Variants in APBB2 observed in about 807,000 individuals in gnomAD.
APBB2 encodes amyloid beta precursor protein binding family B member 2.
In APBB2, 38 loss-of-function variants were observed where a neutral mutation model predicts 82.5. The ratio of observed to expected loss-of-function variants is 0.46; its 90% CI spans 0.36 to 0.60. The LOEUF (loss-of-function observed/expected upper bound fraction) is 0.60, where lower values mean the gene tolerates loss of function less well. Among genes scored for constraint, APBB2 ranks in the 20% least tolerant of loss-of-function variants. The pLI is 0.00. For synonymous variants in APBB2, 341 were observed against 368.2 expected (o/e 0.93, Z 0.85); for missense variants, 772 against 972.3 (o/e 0.79, Z 2.74).
chr4:40,894,089 C>A (rs1243423929), intron 10 of APBB2, among the ~76,000 whole-genome samples: 1 of 152,018 alleles, frequency 6.6e-6, no homozygotes, highest in Non-Finnish European at 1.5e-5. Flanking sequence ...GAGATCGAGA[C>A]CATCCCGGCT....
At chr4:40,853,196 C>T (rs570195435) in intron 12 of APBB2, among the ~76,000 whole-genome samples, 1 of 152,260 alleles carries the variant, frequency 6.6e-6, no homozygotes, top group South Asian at 2.1e-4. Context: ...CTGATCTCTC[C>T]TGGACTAGGG....
At chr4:41,147,230 T>C (rs867579377) in intron 1 of APBB2, among the ~76,000 whole-genome samples, 1 of 152,314 alleles carries the variant, frequency 6.6e-6, no homozygotes, top group African/African-American at 2.4e-5. Flanking sequence ...AGTTTAAATG[T>C]AGCAGTCTGA....
rs576395012 is a variant in APBB2, at chr4:40,908,933, C to T, written c.1255-15522G>A. Among the ~76,000 whole-genome samples, 6 of 152,298 alleles carry T rather than the reference C, an allele frequency of 3.9e-5. No homozygotes were observed. In the East Asian group the frequency reaches 1.2e-3, roughly 29 times the overall value. ...GAGGCCTATGGAGGCAAAGGAAATG[C>T]CCAGGGAACCGACTAACTGCCTGCT... On this transcript the variant is annotated intron_variant, in intron 10 of 17. Coordinates refer to ENST00000508593, the MANE Select transcript of APBB2 (RefSeq NM_004307.2).
At chr4:41,113,703 G>A (rs1236227378) in intron 2 of APBB2, among the ~76,000 whole-genome samples, 1 of 152,142 alleles carries the variant, frequency 6.6e-6, no homozygotes, top group African/African-American at 2.4e-5. Context: ...GGGGACTACT[G>A]TTAATTTTGT....
At chr4:41,210,530 C>T (rs986623147) in intron 1 of APBB2, among the ~76,000 whole-genome samples, 5 of 152,230 alleles carry the variant, frequency 3.3e-5, no homozygotes, top group African/African-American at 7.2e-5. Flanking sequence ...GCCGTCAACA[C>T]ATATCAGCAT....
intron 1 of APBB2, among the ~76,000 whole-genome samples, chr4:41,156,385 G>A (rs1300471616): frequency 2.6e-5 from 4 of 152,140 alleles, no homozygotes; most frequent in South Asian, 2.1e-4. Context: ...TCCTATAAAC[G>A]AAATTATCAG....
chr4:40,834,223 C>A (rs938681004), intron 12 of APBB2, among the ~76,000 whole-genome samples: 10 of 152,122 alleles, frequency 6.6e-5, no homozygotes, highest in African/African-American at 2.4e-4. Context: ...CGGTAACTAA[C>A]CCTCCAGAGG....
intron 5 of APBB2, among the ~76,000 whole-genome samples, chr4:41,019,031 A>T (rs1810760921): frequency 6.6e-6 from 1 of 152,190 alleles, no homozygotes; most frequent in African/African-American, 2.4e-5. Context: ...TTCAGAAGTG[A>T]GGATTGAAGA....
At chr4:40,866,840 C>G (rs1353430699) in intron 12 of APBB2, among the ~76,000 whole-genome samples, 1 of 152,156 alleles carries the variant, frequency 6.6e-6, no homozygotes, top group African/African-American at 2.4e-5. Flanking sequence ...GCCTCAGCCT[C>G]CTGAGTAGCT....
chr4:40,844,773 A>C lies in APBB2; in HGVS notation c.1530-14196T>G, dbSNP rs149221178. ...CAACCTCCCTAATTCTTGGGTTCCT[A>C]ATCTCAGAATGGATGTGCTAGGAAC... is the stretch of plus-strand genomic sequence containing the variant. On this transcript the variant is annotated intron_variant, in intron 12 of 17. Coordinates refer to ENST00000508593, the MANE Select transcript of APBB2 (RefSeq NM_004307.2). 2.0e-4 allele frequency among the ~76,000 whole-genome samples: 31 copies of C among 152,338 alleles called. No individual in the cohort carries two copies. The East Asian group carries it at 5.6e-3, about 27-fold the overall frequency.
chr4:41,124,343 T>C (rs893334197), intron 2 of APBB2, among the ~76,000 whole-genome samples: 6 of 152,122 alleles, frequency 3.9e-5, no homozygotes, highest in African/African-American at 1.4e-4. Context: ...CTCAGCCTCC[T>C]GAGTAGCTGG....
chr4:41,178,042 C>G lies in APBB2; in HGVS notation c.-416-34900G>C, dbSNP rs143307898. Among the ~76,000 whole-genome samples, 197 of 152,098 alleles carry G rather than the reference C, an allele frequency of 1.3e-3. 1 individual carries two copies. The highest frequency in any genetic ancestry group is 2.1e-3 in the Non-Finnish European group (144 of 67,998). On this transcript the variant is annotated intron_variant, in intron 1 of 17. Coordinates refer to ENST00000508593, the MANE Select transcript of APBB2 (RefSeq NM_004307.2). ...TACAGGGTCTCACACGCAGAAGAAC[C>G]TACGTAAGAGTTTACTAACACTTTA... is the stretch of plus-strand genomic sequence containing the variant.
chr4:41,069,042 C>A (rs1329228170), intron 3 of APBB2, among the ~76,000 whole-genome samples: 1 of 152,126 alleles, frequency 6.6e-6, no homozygotes, highest in Non-Finnish European at 1.5e-5. Context: ...GATCTGCCCG[C>A]CTCGGCCTCC....
At position 40,926,214 on chromosome 4, in the gene APBB2, G is replaced by A. The variant is rs74648567; in HGVS notation, c.1254+8242C>T. ...ATTACTCTGTGTTGTTTGTAGACTG[G>A]CAGTATTGGTATCACCTGCAAACTT... On this transcript the variant is annotated intron_variant, in intron 10 of 17. Transcript: ENST00000508593. 4.9e-3 allele frequency among the ~76,000 whole-genome samples: 740 copies of A among 152,268 alleles called. 18 individuals carry two copies. The highest frequency in any genetic ancestry group is 0.037 in the Admixed American group (563 of 15,280).
intron 2 of APBB2, among the ~76,000 whole-genome samples, chr4:41,131,980 C>T (rs1756129320): frequency 6.6e-6 from 1 of 151,924 alleles, no homozygotes; most frequent in South Asian, 2.1e-4. Flanking sequence ...GCGGAGGTTG[C>T]AGTGAGTCAA....
chr4:40,984,297 C>G (rs980099744), intron 6 of APBB2, among the ~76,000 whole-genome samples: 1 of 152,190 alleles, frequency 6.6e-6, no homozygotes, highest in African/African-American at 2.4e-5. Context: ...TACAAAAGTT[C>G]ATGTGACTGA....
intron 11 of APBB2, chr4:40,892,433 C>T (rs1772329115): frequency 6.6e-6 from 1 of 152,208 alleles, no homozygotes; most frequent in African/African-American, 2.4e-5. Flanking sequence ...ACAAACTCCA[C>T]CATGGAAAGG....
At chr4:40,988,390 C>T (rs992373992) in intron 6 of APBB2, among the ~76,000 whole-genome samples, 1 of 151,686 alleles carries the variant, frequency 6.6e-6, no homozygotes, top group Admixed American at 6.6e-5. Context: ...AATCCCAGCA[C>T]TTTGGGAGGT....
chr4:41,085,760 T>C (rs1440058474), intron 3 of APBB2, among the ~76,000 whole-genome samples: 1 of 152,120 alleles, frequency 6.6e-6, no homozygotes, highest in Non-Finnish European at 1.5e-5. Context: ...TCTACATATG[T>C]AAGGCAAAGG....
Sources: allele counts gnomAD v4.1 joint callset (sites outside exome capture counted in the v4.1 genomes callset), GRCh38; gene constraint gnomAD v4.1.1; transcripts MANE v1.5; gene names NCBI Gene and HGNC (gene_info 2026-07-23, HGNC 2026-07-21).